The following HS1BP3 variants were observed in gnomAD, a reference collection of about 807,000 sequenced individuals.
HS1BP3 encodes the protein HCLS1-binding protein 3.
In HS1BP3, 32 loss-of-function variants were observed where a neutral mutation model predicts 33.5. The ratio of observed to expected loss-of-function variants is 0.95; its 90% CI spans 0.72 to 1.28. HS1BP3 has a LOEUF of 1.28. HS1BP3 is among the 50% of genes most tolerant of loss of function. The pLI is 0.00. For synonymous variants in HS1BP3, 187 were observed against 209.2 expected (o/e 0.89, Z 0.92); for missense variants, 486 against 502.3 (o/e 0.97, Z 0.31).
intron 5 of HS1BP3, among the ~76,000 whole-genome samples, chr2:20,573,986 T>G (rs1693338863): frequency 6.6e-6 from 1 of 152,216 alleles, no homozygotes; most frequent in Non-Finnish European, 1.5e-5. Flanking sequence ...AAAAGCTTCT[T>G]GGACACTCAA....
At chr2:20,602,898 A>C (rs1014934583) in intron 2 of HS1BP3, among the ~76,000 whole-genome samples, 3 of 152,224 alleles carry the variant, frequency 2.0e-5, no homozygotes, top group Non-Finnish European at 2.9e-5. Flanking sequence ...AAGACAACAC[A>C]ATATAAAGAT....
intron 4 of HS1BP3, among the ~76,000 whole-genome samples, chr2:20,632,717 C>T (rs1695006077): frequency 6.6e-6 from 1 of 152,180 alleles, no homozygotes; most frequent in South Asian, 2.1e-4. Context: ...CTCAAGGAAC[C>T]AAGCAACCAC....
At chr2:20,568,228 G>C (rs1169293564) in intron 5 of HS1BP3, among the ~76,000 whole-genome samples, 1 of 152,192 alleles carries the variant, frequency 6.6e-6, no homozygotes, top group Non-Finnish European at 1.5e-5. Context: ...GCGGGGTAGG[G>C]GGCTGCAGTC....
At chr2:20,554,699 C>T in the HS1BP3 span, among the ~76,000 whole-genome samples, 1 of 134,292 alleles carries the variant, frequency 7.4e-6, no homozygotes, top group East Asian at 2.2e-4. Flanking sequence ...AGTGAAACTC[C>T]ACCTCACAAA....
intron 2 of HS1BP3, among the ~76,000 whole-genome samples, chr2:20,603,677 C>G (rs777800807): frequency 1.3e-5 from 2 of 152,162 alleles, no homozygotes; most frequent in South Asian, 4.1e-4. Context: ...ATTTGTACAA[C>G]TCTATGCATG....
At chr2:20,571,764 G>A (rs914638478) in intron 5 of HS1BP3, among the ~76,000 whole-genome samples, 42 of 152,208 alleles carry the variant, frequency 2.8e-4, no homozygotes, top group African/African-American at 9.2e-4. Context: ...AGCCTGCTGA[G>A]TGCCCCAGGT....
intron 1 of HS1BP3, among the ~76,000 whole-genome samples, chr2:20,650,716 G>A (rs572287996): frequency 1.3e-5 from 2 of 152,346 alleles, no homozygotes; most frequent in African/African-American, 2.4e-5. Context: ...GCTCAAAAGA[G>A]AAGAACCCAA....
intron 2 of HS1BP3, among the ~76,000 whole-genome samples, chr2:20,602,401 G>A (rs571845189): frequency 1.1e-4 from 16 of 150,838 alleles, no homozygotes; most frequent in Non-Finnish European, 2.1e-4. Flanking sequence ...TGGTTTCATC[G>A]CAAGATGCAT....
downstream of HS1BP3, among the ~76,000 whole-genome samples, chr2:20,556,826 A>G (rs1426706173): frequency 1.3e-5 from 2 of 152,028 alleles, no homozygotes; most frequent in African/African-American, 4.8e-5. Flanking sequence ...TCTGCCTTTC[A>G]TTTCTCATCC....
intron 6 of HS1BP3, chr2:20,622,273 T>G: frequency 7.7e-7 from 1 of 1,304,648 alleles, no homozygotes; most frequent in Non-Finnish European, 1.0e-6. Context: ...ATGTGGTTCC[T>G]GCTCTCAAGA....
At chr2:20,617,323 G>A (rs1042572866), downstream of HS1BP3, among the ~76,000 whole-genome samples, 1 of 152,192 alleles carries the variant, frequency 6.6e-6, no homozygotes, top group Non-Finnish European at 1.5e-5. Context: ...AAGGGGGAAG[G>A]CAAATGGGTG....
At chr2:20,622,469 G>C (rs1572340940) in intron 6 of HS1BP3, 4 of 439,472 alleles carry the variant, frequency 9.1e-6, no homozygotes, top group Non-Finnish European at 1.7e-5. Context: ...GGGGGGCCCA[G>C]GGATGAATGA....
chr2:20,564,996 G>A (rs1693091677), intron 5 of HS1BP3, among the ~76,000 whole-genome samples: 1 of 152,170 alleles, frequency 6.6e-6, no homozygotes, highest in Admixed American at 6.5e-5. Flanking sequence ...CTGTTCTTTG[G>A]GGGCTCAGGA....
chr2:20,606,513 C>A, intron 2 of HS1BP3: 1 of 466,018 alleles, frequency 2.1e-6, no homozygotes, highest in Non-Finnish European at 4.3e-6. Flanking sequence ...TCAAACAAAA[C>A]TAAGTTATTG....
chr2:20,642,565 C>T (rs1695389101), intron 2 of HS1BP3, among the ~76,000 whole-genome samples: 1 of 152,240 alleles, frequency 6.6e-6, no homozygotes, highest in South Asian at 2.1e-4. Context: ...ACGGTGGGGG[C>T]CGGGCGCCCC....
At chr2:20,603,550 T>G (rs185996967) in intron 2 of HS1BP3, among the ~76,000 whole-genome samples, 3 of 152,078 alleles carry the variant, frequency 2.0e-5, no homozygotes, top group African/African-American at 7.2e-5. Flanking sequence ...TAGAGAGAGA[T>G]AGAAAGTAGA....
chr2:20,645,508 GC>G lies in HS1BP3; in HGVS notation c.33-4del. ...CAGTGTGGGCATTCTGAAGTCGCCT[GC>G]CAGGGGAAAAGAAGGCAGGTGGGGT... On this transcript the variant is annotated splice_polypyrimidine_tract_variant and splice_region_variant and intron_variant, in intron 1 of 6. Transcript: ENST00000304031. 1 of 1,610,656 alleles carries G rather than the reference GC, an allele frequency of 6.2e-7. No homozygotes were observed. Among genetic ancestry groups the G allele is most frequent in the South Asian group, 1.1e-5 (1 of 90,702 alleles).
chr2:20,556,793 T>C (rs187766378), downstream of HS1BP3, among the ~76,000 whole-genome samples: 24 of 152,358 alleles, frequency 1.6e-4, no homozygotes, highest in East Asian at 3.9e-3. Context: ...TTCAGTTTGT[T>C]CTTTTTCCTG....
intron 4 of HS1BP3, 86 bp from the exon 5 acceptor site, chr2:20,624,978 T>G: frequency 6.7e-7 from 1 of 1,485,402 alleles, no homozygotes; most frequent in South Asian, 1.1e-5. Context: ...CGCTGGGCCC[T>G]GCAGTGGAGG....
Sources: allele counts gnomAD v4.1 joint callset (sites outside exome capture counted in the v4.1 genomes callset), GRCh38; gene constraint gnomAD v4.1.1; transcripts MANE v1.5; gene names NCBI Gene and HGNC (gene_info 2026-07-23, HGNC 2026-07-21).